Variants in HMGB1 observed in about 807,000 individuals in gnomAD.
HMGB1 encodes the protein high mobility group protein B1.
For missense variants in HMGB1, 79 were observed against 253.5 expected (o/e 0.31, Z 4.67); for synonymous variants, 81 against 84.0 (o/e 0.96, Z 0.19).
intron 1 of HMGB1, among the ~76,000 whole-genome samples, chr13:30,473,794 T>C (rs1179464296): frequency 6.6e-6 from 1 of 152,152 alleles, no homozygotes; most frequent in Non-Finnish European, 1.5e-5. Context: ...CACACACACT[T>C]GTACATGAAT....
intron 1 of HMGB1, among the ~76,000 whole-genome samples, chr13:30,504,395 C>T (rs1887804917): frequency 6.6e-6 from 1 of 152,186 alleles, no homozygotes; most frequent in Admixed American, 6.5e-5. Flanking sequence ...CTTAATATTG[C>T]TAAGCATATT....
At chr13:30,553,604 T>G (rs1368386197) in intron 1 of HMGB1, 1 of 591,258 alleles carries the variant, frequency 1.7e-6, no homozygotes. Flanking sequence ...CCACATTGAG[T>G]GTCTGTCCAG....
At chr13:30,540,573 CACTTT>C (rs1262475956) in intron 1 of HMGB1, 1 of 152,230 alleles carries the variant, frequency 6.6e-6, no homozygotes, top group African/African-American at 2.6e-5. Context: ...AAATTTGGCA[CACTTT>C]AGTCTTTTTT....
At chr13:30,522,109 CT>C (rs35096026) in intron 1 of HMGB1, among the ~76,000 whole-genome samples, 19 of 130,140 alleles carry the variant, frequency 1.5e-4, no homozygotes, top group Admixed American at 4.1e-4. Flanking sequence ...AATTATGATA[CT>C]TTTTTTTTTT....
intron 1 of HMGB1, among the ~76,000 whole-genome samples, chr13:30,536,644 C>T (rs1868454540): frequency 6.6e-6 from 1 of 152,164 alleles, no homozygotes; most frequent in Non-Finnish European, 1.5e-5. Flanking sequence ...GCCACCATGC[C>T]CGGCCTAAAA....
At chr13:30,488,645 T>TTTATTATTA (rs58604214) in intron 1 of HMGB1, among the ~76,000 whole-genome samples, 1 of 137,866 alleles carries the variant, frequency 7.3e-6, no homozygotes, top group African/African-American at 2.7e-5. Context: ...AATTTTTAAT[T>TTTATTATTA]TTATTATTAT....
At chr13:30,583,321 C>A (rs1264561628) in intron 1 of HMGB1, among the ~76,000 whole-genome samples, 1 of 151,944 alleles carries the variant, frequency 6.6e-6, no homozygotes, top group African/African-American at 2.4e-5. Context: ...TCACTTGAGG[C>A]CAGGAGCTCA....
At chr13:30,474,748 GTC>G (rs1027582809) in intron 1 of HMGB1, among the ~76,000 whole-genome samples, 4 of 141,592 alleles carry the variant, frequency 2.8e-5, no homozygotes, top group Non-Finnish European at 6.0e-5. Context: ...GAGCGAGATG[GTC>G]TCTCTCTCCT....
chr13:30,465,437 G>A (rs1366076029), intron 1 of HMGB1, among the ~76,000 whole-genome samples: 1 of 141,468 alleles, frequency 7.1e-6, no homozygotes, highest in Non-Finnish European at 1.6e-5. Flanking sequence ...CGCGCTCCGC[G>A]CACGCCGCCC....
chr13:30,475,136 CTCT>C (rs1449355392), intron 1 of HMGB1, among the ~76,000 whole-genome samples: 3 of 25,714 alleles, frequency 1.2e-4, no homozygotes, highest in Non-Finnish European at 2.0e-4. Flanking sequence ...CTCTCTCTCT[CTCT>C]TTTTTTTTTT....
Position 30,459,831 on chromosome 13 carries a change from G to C in HMGB1, c.*1526C>G, listed in dbSNP as rs1221033474. On this transcript the variant is annotated 3_prime_UTR_variant, in exon 5 of 5. Coordinates refer to ENST00000341423, the MANE Select transcript of HMGB1 (RefSeq NM_002128.7). ...GTAACAAAATCTTAAGTTCTTAAGT[G>C]AAAGCCATTTAACTAGTATTTAAAA... 2.0e-5 allele frequency: 3 copies of C among 152,478 alleles called. No homozygotes were observed. Among genetic ancestry groups the C allele is most frequent in the Non-Finnish European group, 2.9e-5 (2 of 67,988 alleles). 9.4% of individuals were successfully genotyped at this position (152,478 alleles called of 1,614,324 possible). A position where few individuals can be genotyped will look rare whatever the true frequency, so the allele number is the denominator to read the frequency against.
At chr13:30,562,045 G>A (rs896471574) in intron 1 of HMGB1, among the ~76,000 whole-genome samples, 2 of 152,148 alleles carry the variant, frequency 1.3e-5, no homozygotes, top group Non-Finnish European at 2.9e-5. Flanking sequence ...TACTTGGCCG[G>A]GCGCAGTGGC....
At chr13:30,591,750 C>T (rs1464748925) in intron 1 of HMGB1, among the ~76,000 whole-genome samples, 1 of 152,120 alleles carries the variant, frequency 6.6e-6, no homozygotes, top group Non-Finnish European at 1.5e-5. Flanking sequence ...GATCCTCCCA[C>T]CTTGGCCTAC....
Position 30,465,924 on chromosome 13 carries a change from G to T in HMGB1, c.-143C>A. On this transcript the variant is annotated 5_prime_UTR_variant, in exon 1 of 5. Coordinates refer to ENST00000341423, the MANE Select transcript of HMGB1 (RefSeq NM_002128.7). ...CAGACGCAGCCTCCTCACTCTCTCC[G>T]CTCTGTAACATTACTCTCCAGCCAG... 3 of 985,976 alleles carry T rather than the reference G, an allele frequency of 3.0e-6. No homozygotes were observed. Among genetic ancestry groups the T allele is most frequent in the Non-Finnish European group, 3.6e-6 (3 of 830,056 alleles). The allele number at this position is 985,976 out of a possible 1,614,324, so 61.1% of individuals were successfully genotyped here.
At chr13:30,554,783 C>T (rs373079930) in intron 1 of HMGB1, 98 of 765,476 alleles carry the variant, frequency 1.3e-4, no homozygotes, top group African/African-American at 9.9e-4. Flanking sequence ...TAAATGAGAA[C>T]GAACAAAAAA....
intron 1 of HMGB1, among the ~76,000 whole-genome samples, chr13:30,504,228 C>CTT (rs1887801612): frequency 6.6e-6 from 1 of 152,094 alleles, no homozygotes; most frequent in African/African-American, 2.4e-5. Context: ...ATTACCCCAC[C>CTT]CCAGCCTGTG....
chr13:30,553,860 A>G (rs1418403495), intron 1 of HMGB1: 18 of 1,328,626 alleles, frequency 1.4e-5, no homozygotes, highest in Non-Finnish European at 1.9e-5. Context: ...ACTGCAGAAT[A>G]CTGAGAATGA....
chr13:30,582,913 C>T (rs568698646), intron 1 of HMGB1, among the ~76,000 whole-genome samples: 1 of 152,282 alleles, frequency 6.6e-6, no homozygotes, highest in South Asian at 2.1e-4. Flanking sequence ...ACATATCCTA[C>T]TATCTCTGCT....
intron 1 of HMGB1, among the ~76,000 whole-genome samples, chr13:30,596,312 C>G (rs1871607781): frequency 6.6e-6 from 1 of 152,172 alleles, no homozygotes; most frequent in Admixed American, 6.5e-5. Flanking sequence ...CTACAATTAG[C>G]ATTCACAAAC....
Sources: allele counts gnomAD v4.1 joint callset (sites outside exome capture counted in the v4.1 genomes callset), GRCh38; gene constraint gnomAD v4.1.1; transcripts MANE v1.5; gene names NCBI Gene and HGNC (gene_info 2026-07-23, HGNC 2026-07-21).